The following ADGRB3 variants were observed in gnomAD, a reference collection of about 807,000 sequenced individuals.
ADGRB3 encodes adhesion G protein-coupled receptor B3, also known as brain-specific angiogenesis inhibitor 3.
Under a neutral mutation model 193.4 loss-of-function variants are expected in ADGRB3, and 37 were observed. The ratio of observed to expected loss-of-function variants is 0.19; its 90% CI spans 0.15 to 0.25. The LOEUF (loss-of-function observed/expected upper bound fraction) is 0.25. ADGRB3 is among the 10% of genes least tolerant of loss of function. ADGRB3 has a pLI of 1.00. For missense variants in ADGRB3, 1,637 were observed against 1,852.9 expected (o/e 0.88, Z 2.14); for synonymous variants, 690 against 644.2 (o/e 1.07, Z -1.08).
intron 8 of ADGRB3, among the ~76,000 whole-genome samples, chr6:68,966,357 A>T (rs1388331402): frequency 6.6e-6 from 1 of 152,094 alleles, no homozygotes; most frequent in African/African-American, 2.4e-5. Flanking sequence ...ACATTGTCAT[A>T]AATTTCCCTT....
chr6:69,262,625 C>T (rs552460351), intron 20 of ADGRB3, among the ~76,000 whole-genome samples: 1 of 151,864 alleles, frequency 6.6e-6, no homozygotes. Context: ...TCTTTTGTCT[C>T]TGGTTTTACT....
intron 24 of ADGRB3, among the ~76,000 whole-genome samples, chr6:69,333,644 T>G (rs1360642207): frequency 6.6e-6 from 1 of 151,260 alleles, no homozygotes; most frequent in Non-Finnish European, 1.5e-5. Flanking sequence ...TCTGATGACA[T>G]ATTATATATT....
At chr6:69,337,195 C>T (rs999576371) in intron 24 of ADGRB3, among the ~76,000 whole-genome samples, 4 of 151,974 alleles carry the variant, frequency 2.6e-5, no homozygotes, top group African/African-American at 4.8e-5. Context: ...AGCCTAGAGG[C>T]AACATATTCT....
At chr6:68,978,908 G>A (rs1768826263) in intron 10 of ADGRB3, among the ~76,000 whole-genome samples, 1 of 151,066 alleles carries the variant, frequency 6.6e-6, no homozygotes, top group African/African-American at 2.4e-5. Flanking sequence ...CCAACTATTT[G>A]AAACATAGAT....
intron 12 of ADGRB3, among the ~76,000 whole-genome samples, chr6:69,014,477 C>A (rs533838376): frequency 8.3e-4 from 126 of 151,866 alleles, no homozygotes; most frequent in Non-Finnish European, 1.5e-3. Flanking sequence ...GCATTTACTA[C>A]AATGCTACAT....
At chr6:68,668,795 A>G (rs1196273164) in intron 3 of ADGRB3, among the ~76,000 whole-genome samples, 4 of 151,654 alleles carry the variant, frequency 2.6e-5, no homozygotes, top group Non-Finnish European at 5.9e-5. Context: ...TTTTCTCTCT[A>G]CCTCCAAAGT....
At chr6:69,130,801 C>T (rs1011129228) in intron 17 of ADGRB3, among the ~76,000 whole-genome samples, 1 of 151,924 alleles carries the variant, frequency 6.6e-6, no homozygotes, top group Non-Finnish European at 1.5e-5. Context: ...GATTTCAGCT[C>T]TTTAATGCCT....
intron 17 of ADGRB3, among the ~76,000 whole-genome samples, chr6:69,223,145 A>G (rs1765933883): frequency 1.3e-5 from 2 of 152,176 alleles, no homozygotes; most frequent in African/African-American, 4.8e-5. Context: ...TCCCATTTTC[A>G]AAATTATAAG....
chr6:69,137,056 CTTTTTTTTTTTT>C (rs71548125), intron 17 of ADGRB3, among the ~76,000 whole-genome samples: 1 of 80,112 alleles, frequency 1.2e-5, no homozygotes, highest in African/African-American at 4.0e-5. Flanking sequence ...TCTTTTCTTT[CTTTTTTTTTTTT>C]TTTTTTTTAA....
intron 3 of ADGRB3, among the ~76,000 whole-genome samples, chr6:68,668,463 G>T (rs1315624978): frequency 6.6e-6 from 1 of 151,770 alleles, no homozygotes; most frequent in Non-Finnish European, 1.5e-5. Context: ...TTTTCCTTTG[G>T]TAATTGTATT....
chr6:69,333,946 T>C (rs1220275625), intron 24 of ADGRB3, among the ~76,000 whole-genome samples: 447 of 2,296 alleles, frequency 0.19, 6 homozygotes, highest in Non-Finnish European at 0.23. Flanking sequence ...CAAAATAAAA[T>C]AAAATAAAAT....
intron 6 of ADGRB3, among the ~76,000 whole-genome samples, chr6:68,944,550 C>G (rs1767725637): frequency 6.6e-6 from 1 of 152,006 alleles, no homozygotes; most frequent in Non-Finnish European, 1.5e-5. Flanking sequence ...TTTATGTTAT[C>G]TTAAATTTTT....
chr6:69,334,134 G>T (rs1472960506), intron 24 of ADGRB3, among the ~76,000 whole-genome samples: 1 of 151,776 alleles, frequency 6.6e-6, no homozygotes, highest in Non-Finnish European at 1.5e-5. Flanking sequence ...TAATGCCTTT[G>T]TTTTTTCTTT....
intron 3 of ADGRB3, among the ~76,000 whole-genome samples, chr6:68,893,429 A>T (rs565210269): frequency 1.8e-4 from 27 of 152,032 alleles, no homozygotes; most frequent in Non-Finnish European, 1.2e-4. Flanking sequence ...TATAAAAAGA[A>T]TTATATATGA....
At chr6:68,710,345 A>C (rs1164360509) in intron 3 of ADGRB3, among the ~76,000 whole-genome samples, 1 of 151,240 alleles carries the variant, frequency 6.6e-6, no homozygotes, top group East Asian at 2.0e-4. Context: ...CCAGGCTCCC[A>C]CCTCTTCTGC....
intron 3 of ADGRB3, among the ~76,000 whole-genome samples, chr6:68,779,868 G>A (rs190823248): frequency 6.6e-6 from 1 of 152,164 alleles, no homozygotes; most frequent in African/African-American, 2.4e-5. Flanking sequence ...CTATTCCTGT[G>A]TGATGGGAAG....
At chr6:68,873,968 C>G (rs987404894) in intron 3 of ADGRB3, among the ~76,000 whole-genome samples, 1 of 152,018 alleles carries the variant, frequency 6.6e-6, no homozygotes, top group Admixed American at 6.6e-5. Flanking sequence ...TAAATGAAAG[C>G]TCTAAATTTA....
At chr6:68,867,307 A>G (rs1416129816) in intron 3 of ADGRB3, among the ~76,000 whole-genome samples, 4 of 152,192 alleles carry the variant, frequency 2.6e-5, no homozygotes, top group Non-Finnish European at 4.4e-5. Context: ...CTGTGGCTTC[A>G]GGGGGTTCCA....
At chr6:68,903,035 T>C (rs559566254) in intron 3 of ADGRB3, among the ~76,000 whole-genome samples, 2 of 152,310 alleles carry the variant, frequency 1.3e-5, no homozygotes, top group South Asian at 2.1e-4. Flanking sequence ...CCTCTAGATA[T>C]GTAGAACATG....
Sources: allele counts gnomAD v4.1 joint callset (sites outside exome capture counted in the v4.1 genomes callset), GRCh38; gene constraint gnomAD v4.1.1; transcripts MANE v1.5; gene names NCBI Gene and HGNC (gene_info 2026-07-23, HGNC 2026-07-21).